CNTN6: variants seen among roughly 807,000 people sequenced by gnomAD.
CNTN6 encodes the protein contactin-6.
In CNTN6, 137 loss-of-function variants were observed where a neutral mutation model predicts 122.8. That is an observed-to-expected ratio of 1.12 (90% CI 0.97 to 1.29). CNTN6 has a LOEUF of 1.29. Among genes scored for constraint, CNTN6 ranks in the 50% most tolerant of loss-of-function variants. The pLI, the probability that CNTN6 is intolerant of heterozygous loss-of-function variation, is 0.00. For missense variants in CNTN6, 1,634 were observed against 1,223.4 expected (o/e 1.34, Z -5.01); for synonymous variants, 570 against 426.0 (o/e 1.34, Z -4.16).
chr3:1,304,797 G>A (rs1213184339), intron 7 of CNTN6, among the ~76,000 whole-genome samples: 4 of 151,816 alleles, frequency 2.6e-5, no homozygotes, highest in Admixed American at 2.0e-4. Flanking sequence ...TTCAAGACCA[G>A]CCTGGCCAAG....
chr3:1,159,820 TTTTC>T (rs1307856315), intron 2 of CNTN6, among the ~76,000 whole-genome samples: 8 of 142,962 alleles, frequency 5.6e-5, no homozygotes, highest in African/African-American at 2.0e-4. Context: ...ATTCGTTTGT[TTTTC>T]TTTTTCCCCC....
intron 7 of CNTN6, among the ~76,000 whole-genome samples, chr3:1,303,800 A>T (rs1274500598): frequency 6.6e-6 from 1 of 151,996 alleles, no homozygotes; most frequent in Non-Finnish European, 1.5e-5. Context: ...AGCTTTTTGA[A>T]CTTTATTTTG....
intron 3 of CNTN6, among the ~76,000 whole-genome samples, chr3:1,225,983 T>C (rs768891801): frequency 6.6e-5 from 10 of 152,196 alleles, no homozygotes; most frequent in Non-Finnish European, 2.9e-5. Flanking sequence ...GGTAGGCATT[T>C]GTCAGATTCT....
intron 4 of CNTN6, among the ~76,000 whole-genome samples, chr3:1,236,075 A>G (rs1035039642): frequency 1.3e-5 from 2 of 152,012 alleles, no homozygotes; most frequent in Admixed American, 1.3e-4. Context: ...ACCCAAGGAG[A>G]GGCTGAGCTC....
intron 2 of CNTN6, among the ~76,000 whole-genome samples, chr3:1,161,798 A>G (rs2093139767): frequency 6.6e-6 from 1 of 151,682 alleles, no homozygotes; most frequent in Non-Finnish European, 1.5e-5. Flanking sequence ...ACACACACAC[A>G]CACAAACATA....
intron 2 of CNTN6, among the ~76,000 whole-genome samples, chr3:1,190,492 C>A (rs149738405): frequency 9.9e-5 from 15 of 152,252 alleles, no homozygotes; most frequent in African/African-American, 3.6e-4. Flanking sequence ...TTCTAAACAG[C>A]CTCTAGGAAA....
intron 12 of CNTN6, among the ~76,000 whole-genome samples, chr3:1,356,847 A>G (rs1355442681): frequency 6.6e-6 from 1 of 151,870 alleles, no homozygotes; most frequent in East Asian, 1.9e-4. Flanking sequence ...TACTGGTCAG[A>G]TGAAAAAATT....
chr3:1,104,534 A>T (rs908272135), intron 1 of CNTN6, among the ~76,000 whole-genome samples: 1 of 152,176 alleles, frequency 6.6e-6, no homozygotes, highest in African/African-American at 2.4e-5. Flanking sequence ...AAAATTTGCA[A>T]ACTACACTAA....
chr3:1,378,821 A>C (rs188395411), intron 17 of CNTN6, among the ~76,000 whole-genome samples: 1 of 152,136 alleles, frequency 6.6e-6, no homozygotes, highest in East Asian at 1.9e-4. Context: ...TACAATCCCA[A>C]TTGTCTTCAT....
intron 3 of CNTN6, among the ~76,000 whole-genome samples, chr3:1,222,752 A>G (rs1467734551): frequency 1.3e-5 from 2 of 151,708 alleles, no homozygotes; most frequent in Non-Finnish European, 2.9e-5. Context: ...GGTTTGTTAT[A>G]TAGATAAACT....
chr3:1,398,221 A>G (rs908046618), intron 20 of CNTN6, among the ~76,000 whole-genome samples: 1 of 152,166 alleles, frequency 6.6e-6, no homozygotes, highest in African/African-American at 2.4e-5. Flanking sequence ...ATCCAGTTTA[A>G]TCAACTATAT....
intron 20 of CNTN6, among the ~76,000 whole-genome samples, chr3:1,397,377 C>A (rs1695116641): frequency 6.6e-6 from 1 of 152,072 alleles, no homozygotes; most frequent in Non-Finnish European, 1.5e-5. Flanking sequence ...GACAAAAGAA[C>A]TTCCAGACAG....
intron 7 of CNTN6, among the ~76,000 whole-genome samples, chr3:1,320,429 T>C (rs1228246132): frequency 6.6e-6 from 1 of 151,726 alleles, no homozygotes; most frequent in African/African-American, 2.4e-5. Context: ...ATCCCAACTT[T>C]CTGCAGTTGT....
chr3:1,244,416 AG>A (rs1255331625), intron 4 of CNTN6, among the ~76,000 whole-genome samples: 1 of 128,568 alleles, frequency 7.8e-6, no homozygotes, highest in Non-Finnish European at 1.6e-5. Flanking sequence ...CTTGCCGCTG[AG>A]GGTGAAGGAG....
intron 4 of CNTN6, among the ~76,000 whole-genome samples, chr3:1,250,584 C>A (rs2125662836): frequency 6.6e-6 from 1 of 152,256 alleles, no homozygotes; most frequent in East Asian, 1.9e-4. Flanking sequence ...CATAAGGCAG[C>A]AAGCCTGGAA....
At chr3:1,382,811 A>G (rs1692111700) in intron 17 of CNTN6, 131 bp from the exon 18 acceptor site, 1 of 628,296 alleles carries the variant, frequency 1.6e-6, no homozygotes, top group Admixed American at 3.4e-5. Flanking sequence ...AGTGTTTTTT[A>G]ATACATCATT....
At chr3:1,179,119 A>C (rs542641899) in intron 2 of CNTN6, among the ~76,000 whole-genome samples, 1 of 152,250 alleles carries the variant, frequency 6.6e-6, no homozygotes, top group African/African-American at 2.4e-5. Context: ...AGAGGGAGCA[A>C]GAATGACAGG....
At chr3:1,290,688 C>A (rs780804506) in intron 5 of CNTN6, among the ~76,000 whole-genome samples, 2 of 152,138 alleles carry the variant, frequency 1.3e-5, no homozygotes, top group Non-Finnish European at 2.9e-5. Flanking sequence ...TGCTGGTTTT[C>A]CATTTTTATG....
intron 1 of CNTN6, among the ~76,000 whole-genome samples, chr3:1,104,603 C>T (rs2091127091): frequency 6.6e-6 from 1 of 151,992 alleles, no homozygotes; most frequent in African/African-American, 2.4e-5. Context: ...AAATTAATAA[C>T]CAACAGAATA....
Sources: gnomAD v4.1 joint callset for allele counts (sites outside exome capture counted in the v4.1 genomes callset) on GRCh38, gnomAD v4.1.1 for gene constraint, MANE v1.5 for transcripts, NCBI Gene and HGNC (gene_info 2026-07-23, HGNC 2026-07-21) for gene names.